The following PHLDB2 variants were observed in gnomAD, a reference collection of about 807,000 sequenced individuals.
PHLDB2 encodes pleckstrin homology-like domain family B member 2.
In PHLDB2, 71 loss-of-function variants were observed where a neutral mutation model predicts 123.6. That is an observed-to-expected ratio of 0.57 (90% CI 0.47 to 0.70). PHLDB2 has a LOEUF of 0.70. Ranked by LOEUF, PHLDB2 falls within the 30% of genes least tolerant of loss-of-function variation. PHLDB2 has a pLI of 0.00. For missense variants in PHLDB2, 1,446 were observed against 1,519.5 expected, an observed-to-expected ratio of 0.95 and a Z score of 0.80; for synonymous variants, 547 against 541.6, an observed-to-expected ratio of 1.01 and a Z score of -0.14.
chr3:111,927,940 G>A (rs1326089901), intron 5 of PHLDB2, among the ~76,000 whole-genome samples: 1 of 152,178 alleles, frequency 6.6e-6, no homozygotes, highest in Non-Finnish European at 1.5e-5. Context: ...TTATGTTATT[G>A]TCTTTTAACC....
At chr3:111,907,805 T>C (rs1021008812) in intron 2 of PHLDB2, among the ~76,000 whole-genome samples, 2 of 152,066 alleles carry the variant, frequency 1.3e-5, no homozygotes, top group Non-Finnish European at 2.9e-5. Flanking sequence ...TTTTTCTGTT[T>C]TGTTTTTTTG....
At chr3:111,951,673 T>TTC (rs1441986484) in intron 10 of PHLDB2, among the ~76,000 whole-genome samples, 1 of 152,170 alleles carries the variant, frequency 6.6e-6, no homozygotes, top group Non-Finnish European at 1.5e-5. Flanking sequence ...AATATGAATA[T>TTC]CTCTTAAATT....
upstream of PHLDB2, among the ~76,000 whole-genome samples, chr3:111,854,565 A>G (rs2064400572): frequency 6.6e-6 from 1 of 152,232 alleles, no homozygotes; most frequent in African/African-American, 2.4e-5. Flanking sequence ...AGGAGCAAAT[A>G]TACAGATTCA....
At chr3:111,739,601 A>AC (rs1227918520) in intron 1 of PHLDB2, among the ~76,000 whole-genome samples, 2,835 of 144,478 alleles carry the variant, frequency 0.02, 94 homozygotes, top group Non-Finnish European at 0.028. Flanking sequence ...AACAAACAAA[A>AC]AAAAAAAACA....
Position 111,913,329 on chromosome 3 carries a change from G to T in PHLDB2, c.1346G>T (p.Arg449Leu), listed in dbSNP as rs534767460. 1 of 1,597,496 alleles carries T rather than the reference G, an allele frequency of 6.3e-7. No homozygotes were observed. Among genetic ancestry groups the T allele is most frequent in the Non-Finnish European group, 8.5e-7 (1 of 1,172,488 alleles). ...CTCCCTGTGTTCCAGGAGAGACAGC[G>T]TCTGGAGACCATCCTCAGTCTCTGT... The part of the protein sequence containing the change: ...EQEMERLERQ[R>L]LETILSLCAE... The change falls in exon 3 of 18, where the codon CGT becomes CTT. Residue 449 changes from arginine to leucine, a missense_variant. Physicochemically the swap from Arg to Leu is moderately radical, Grantham distance 102. This residue lies in a region of PHLDB2 where 832 missense variants were observed against 831.9 expected (regional missense o/e 1.00). Transcript: ENST00000431670.
intron 1 of PHLDB2, among the ~76,000 whole-genome samples, chr3:111,867,054 A>G (rs1014827045): frequency 1.3e-5 from 2 of 151,820 alleles, no homozygotes; most frequent in Non-Finnish European, 2.9e-5. Context: ...TTGGGCACGC[A>G]GTGGTGACAC....
chr3:111,743,865 A>G (rs1160215329), intron 1 of PHLDB2, among the ~76,000 whole-genome samples: 1 of 152,218 alleles, frequency 6.6e-6, no homozygotes, highest in Non-Finnish European at 1.5e-5. Flanking sequence ...AGAAACTCAG[A>G]TCATAAATCA....
At chr3:111,760,746 A>C (rs1463296036) in intron 1 of PHLDB2, among the ~76,000 whole-genome samples, 2 of 152,058 alleles carry the variant, frequency 1.3e-5, no homozygotes, top group African/African-American at 2.4e-5. Context: ...CAAAATTTGA[A>C]TCAGAGCTTA....
At chr3:111,889,583 TC>T (rs1229352511) in intron 2 of PHLDB2, among the ~76,000 whole-genome samples, 2 of 152,066 alleles carry the variant, frequency 1.3e-5, no homozygotes, top group Non-Finnish European at 2.9e-5. Flanking sequence ...ACACCTGTAG[TC>T]CCAGCTACTT....
At position 111,834,183 on chromosome 3, in the gene PHLDB2, ATTATATATGTAATAGAATTATATATG is replaced by A. The variant is rs1315118255; in HGVS notation, c.-48-11636_-48-11611del. On this transcript the variant is annotated intron_variant, in intron 1 of 17. Transcript: ENST00000393923. ...TTATATATGTAATAGAATTATATATATTATATATGTAATAGAATTATATATGTAATAGAATTATATATATATTATGT... is the reference window on the plus strand; with the variant it reads ...TTATATATGTAATAGAATTATATATATAATAGAATTATATATATATTATGT... 5.7e-3 allele frequency among the ~76,000 whole-genome samples: 611 copies of A among 107,108 alleles called. 2 individuals carry two copies. Among genetic ancestry groups the A allele is most frequent in the Middle Eastern group, 0.015 (1 of 68 alleles). 70.3% of individuals were successfully genotyped at this position (107,108 alleles called of 152,430 possible).
At chr3:111,753,349 T>C (rs2059819462) in intron 1 of PHLDB2, among the ~76,000 whole-genome samples, 1 of 150,770 alleles carries the variant, frequency 6.6e-6, no homozygotes, top group Non-Finnish European at 1.5e-5. Context: ...TTCTAACTGG[T>C]GTGAGATGGT....
chr3:111,832,296 T>G (rs2063080379), intron 1 of PHLDB2, among the ~76,000 whole-genome samples: 1 of 152,154 alleles, frequency 6.6e-6, no homozygotes, highest in African/African-American at 2.4e-5. Flanking sequence ...CAACAATCTT[T>G]TCAACTTTAC....
intron 13 of PHLDB2, 129 bp downstream of exon 13, chr3:111,962,441 C>A: frequency 4.2e-6 from 3 of 719,498 alleles, no homozygotes; most frequent in Non-Finnish European, 6.8e-6. Context: ...GTCTGTAATG[C>A]AGAAGAGGGT....
intron 1 of PHLDB2, among the ~76,000 whole-genome samples, chr3:111,736,173 G>A (rs1241299917): frequency 2.0e-5 from 3 of 152,082 alleles, no homozygotes; most frequent in Non-Finnish European, 4.4e-5. Context: ...TTGCCCAAGA[G>A]TCAGTGCTTT....
chr3:111,866,699 G>T (rs2065100245), intron 1 of PHLDB2, among the ~76,000 whole-genome samples: 1 of 152,084 alleles, frequency 6.6e-6, no homozygotes, highest in South Asian at 2.1e-4. Flanking sequence ...CTTGAAATTA[G>T]CTTTGAGATC....
intron 2 of PHLDB2, among the ~76,000 whole-genome samples, chr3:111,886,483 G>A (rs2066172552): frequency 6.6e-6 from 1 of 150,934 alleles, no homozygotes; most frequent in Non-Finnish European, 1.5e-5. Context: ...TATCGTTAGT[G>A]TATTTTATGT....
At chr3:111,911,561 C>T (rs1169793370) in intron 2 of PHLDB2, 1 of 1,481,616 alleles carries the variant, frequency 6.7e-7, no homozygotes, top group African/African-American at 1.4e-5. Context: ...CAGGGCTTGG[C>T]AGCTGGTGGA....
chr3:111,758,445 A>T (rs2059937786), intron 1 of PHLDB2, among the ~76,000 whole-genome samples: 1 of 152,186 alleles, frequency 6.6e-6, no homozygotes, highest in Admixed American at 6.5e-5. Flanking sequence ...GCTGTTTTTT[A>T]AGCTCGTCGG....
intron 1 of PHLDB2, among the ~76,000 whole-genome samples, chr3:111,801,710 ATAT>A (rs1417185217): frequency 1.3e-5 from 2 of 152,166 alleles, no homozygotes; most frequent in Non-Finnish European, 1.5e-5. Context: ...AACCTTGAAA[ATAT>A]TATGCTAAGT....
Sources: gnomAD v4.1 joint callset for allele counts (sites outside exome capture counted in the v4.1 genomes callset) on GRCh38, gnomAD v4.1.1 for gene constraint, gnomAD v4.1.1 regional missense constraint, MANE v1.5 for transcripts, NCBI Gene and HGNC (gene_info 2026-07-23, HGNC 2026-07-21) for gene names.